The following WASHC2A variants were observed in gnomAD, a reference collection of about 807,000 sequenced individuals.
The protein encoded by WASHC2A is WASH complex subunit 2A.
A neutral mutation model predicts 140.3 loss-of-function variants in WASHC2A; 82 were observed. That is an observed-to-expected ratio of 0.58 (90% CI 0.49 to 0.70). The LOEUF (loss-of-function observed/expected upper bound fraction) is 0.70. WASHC2A is among the 30% of genes least tolerant of loss of function. The pLI is 0.00. For synonymous variants in WASHC2A, 340 were observed against 560.8 expected, an observed-to-expected ratio of 0.61 and a Z score of 5.56; for missense variants, 985 against 1,521.8, an observed-to-expected ratio of 0.65 and a Z score of 5.87.
chr10:50,071,637 A>G (rs1837830764), intron 3 of WASHC2A, among the ~76,000 whole-genome samples: 1 of 148,766 alleles, frequency 6.7e-6, no homozygotes, highest in Non-Finnish European at 1.5e-5. Context: ...GTGTGCTTGT[A>G]CCAGATTGGT....
intron 23 of WASHC2A, among the ~76,000 whole-genome samples, chr10:50,121,031 A>T (rs1292659333): frequency 1.4e-5 from 2 of 147,450 alleles, no homozygotes; most frequent in African/African-American, 5.3e-5. Flanking sequence ...CTCAGCTGAC[A>T]TCATACTTAA....
intron 23 of WASHC2A, among the ~76,000 whole-genome samples, chr10:50,121,530 A>T (rs1843017812): frequency 6.7e-6 from 1 of 150,124 alleles, no homozygotes; most frequent in South Asian, 2.1e-4. Flanking sequence ...AGTAGCTGGG[A>T]TTATAGGCAC....
At chr10:50,078,960 A>C (rs1589156819) in intron 4 of WASHC2A, among the ~76,000 whole-genome samples, 1 of 151,980 alleles carries the variant, frequency 6.6e-6, no homozygotes, top group Non-Finnish European at 1.5e-5. Flanking sequence ...ATAGAGTAGA[A>C]GTCAGCAAAC....
chr10:50,098,256 G>A (rs1840691505), intron 16 of WASHC2A, among the ~76,000 whole-genome samples: 1 of 152,038 alleles, frequency 6.6e-6, no homozygotes, highest in Non-Finnish European at 1.5e-5. Flanking sequence ...GCCCCAGAAT[G>A]TCTTTGTAAA....
rs1843748659 is a variant in WASHC2A at position 50,129,504 on chromosome 10, A to G, written c.3173A>G (p.Asp1058Gly). The change falls in exon 29 of 31, where the codon GAC becomes GGC. Residue 1058 changes from aspartate (D) to glycine (G), a missense_variant. Physicochemically the swap from Asp to Gly is moderately conservative, Grantham distance 94 (BLOSUM62 -1). Coordinates refer to ENST00000282633, the MANE Select transcript of WASHC2A (RefSeq NM_001005751.3). Reference sequence around the variant, plus strand: ...GCTCAGGAGTCCAGCGAGACTGAGGACATGAGCGTCCCCAGAGGACCCATT... The same window carrying G: ...GCTCAGGAGTCCAGCGAGACTGAGGGCATGAGCGTCCCCAGAGGACCCATT... Reference protein sequence around the residue: ...LAAQESSETEDMSVPRGPIAQ... With the variant: ...LAAQESSETEGMSVPRGPIAQ... 9.9e-6 allele frequency: 16 copies of G among 1,611,908 alleles called. No homozygotes were observed. Among genetic ancestry groups the G allele is most frequent in the African/African-American group, 1.3e-5 (1 of 74,848 alleles).
intron 20 of WASHC2A, among the ~76,000 whole-genome samples, chr10:50,111,938 G>A (rs1244343681): frequency 6.6e-6 from 1 of 152,134 alleles, no homozygotes; most frequent in African/African-American, 2.4e-5. Context: ...TGAGGCAGGA[G>A]AATTGCTTGA....
intron 28 of WASHC2A, among the ~76,000 whole-genome samples, chr10:50,128,115 C>T (rs1315497649): frequency 1.3e-5 from 2 of 151,014 alleles, no homozygotes; most frequent in African/African-American, 4.9e-5. Flanking sequence ...AGATCATGCC[C>T]CTCCTGCTGG....
chr10:50,092,291 T>C (rs1293436648), intron 11 of WASHC2A, 58 bp downstream of exon 11: 4 of 1,011,088 alleles, frequency 4.0e-6, no homozygotes, highest in African/African-American at 3.2e-5. Flanking sequence ...GGAATGTTGC[T>C]TACATAATTC....
chr10:50,131,906 G>A (rs796763246), intron 30 of WASHC2A, among the ~76,000 whole-genome samples: 12,572 of 142,142 alleles, frequency 0.088, no homozygotes, highest in Admixed American at 0.15. Flanking sequence ...TTCAGAAAAT[G>A]TAAGAAGTGA....
At chr10:50,093,997 G>A (rs1589201024) in intron 13 of WASHC2A, 80 bp downstream of exon 13, 5 of 1,605,480 alleles carry the variant, frequency 3.1e-6, no homozygotes, top group Non-Finnish European at 4.3e-6. Context: ...GAACAAGGTT[G>A]TTCCCAAGCC....
chr10:50,120,053 G>A (rs1293712779), intron 23 of WASHC2A, among the ~76,000 whole-genome samples: 6 of 137,240 alleles, frequency 4.4e-5, no homozygotes, highest in Non-Finnish European at 9.3e-5. Context: ...GTTGTGGGAT[G>A]TAAACAGCAG....
intron 17 of WASHC2A, 112 bp downstream of exon 17, chr10:50,100,176 C>T: frequency 2.7e-6 from 4 of 1,467,768 alleles, no homozygotes; most frequent in Non-Finnish European, 3.7e-6. Flanking sequence ...TTAAGTACTC[C>T]AGTTCTTTAA....
Position 50,127,715 on chromosome 10 carries a change from C to T in WASHC2A, c.3007C>T (p.Pro1003Ser), listed in dbSNP as rs1444440496. The T allele has an allele frequency of 6.4e-7, 1 of 1,568,734 alleles. No individual in the cohort carries two copies. Among genetic ancestry groups the T allele is most frequent in the Non-Finnish European group, 8.7e-7 (1 of 1,152,848 alleles). ...AAGGAGCCACGGTCTGGAAAGTGTG[C>T]CTGTCCTTCCCGGGAGTGGGGAGGC... The part of the protein sequence containing the change: ...HRRSHGLESV[P>S]VLPGSGEAGV... The change falls in exon 28 of 31, where the codon CCT (proline) becomes TCT (serine). Residue 1003 changes from proline (P) to serine (S), a missense_variant. Transcript: ENST00000282633.
In WASHC2A at chr10:50,106,849, AAAGAAAAACTC is replaced by A. The variant is rs1435300956; in HGVS notation, c.1869+389_1869+399del. Among the ~76,000 whole-genome samples, 68 of 67,020 alleles carry A rather than the reference AAAGAAAAACTC, an allele frequency of 1.0e-3. 2 individuals carry two copies. Among genetic ancestry groups the A allele is most frequent in the Admixed American group, 2.1e-3 (10 of 4,722 alleles). The allele number at this position is 67,020 out of a possible 152,430, so 44.0% of individuals were successfully genotyped here. On this transcript the variant is annotated intron_variant, in intron 19 of 30. Coordinates refer to ENST00000282633, the MANE Select transcript of WASHC2A (RefSeq NM_001005751.3). Reference sequence around the variant, plus strand: ...TTTTACCAGACACAGGAGCCTTCAGAAAGAAAAACTCAAGAGAAACAGGAAATCCTGTGTCA... The same window carrying A: ...TTTTACCAGACACAGGAGCCTTCAGAAAGAGAAACAGGAAATCCTGTGTCA...
chr10:50,129,626 G>A lies in WASHC2A; in HGVS notation c.3295G>A (p.Ala1099Thr). The A allele has an allele frequency of 1.9e-6, 3 of 1,612,080 alleles. No individual in the cohort carries two copies. The highest frequency in any genetic ancestry group is 2.5e-6 in the Non-Finnish European group (3 of 1,179,868). ...EDSTEEALAA[A>T]AAPWEGGPVP... The stretch of plus-strand genomic sequence containing the variant: ...CAGCACTGAGGAGGCCCTGGCAGCT[G>A]CCGCTGCACCTTGGGAAGGTGGTCC... The change falls in exon 29 of 31, where the codon GCC becomes ACC. Residue 1099 changes from alanine (A) to threonine (T), a missense_variant. Physicochemically the swap from Ala to Thr is moderately conservative, Grantham distance 58. Coordinates refer to ENST00000282633, the MANE Select transcript of WASHC2A (RefSeq NM_001005751.3).
At chr10:50,089,638 G>A (rs1311243163) in intron 8 of WASHC2A, among the ~76,000 whole-genome samples, 1 of 152,146 alleles carries the variant, frequency 6.6e-6, no homozygotes, top group African/African-American at 2.4e-5. Flanking sequence ...TGTAGTGTTT[G>A]CAGAGGGGGC....
At chr10:50,111,588 A>G (rs1433538889) in intron 20 of WASHC2A, among the ~76,000 whole-genome samples, 1 of 152,240 alleles carries the variant, frequency 6.6e-6, no homozygotes, top group Non-Finnish European at 1.5e-5. Context: ...GAGCTGGCAC[A>G]TTCTGAGCCC....
chr10:50,079,632 C>G (rs1298320412), intron 4 of WASHC2A, among the ~76,000 whole-genome samples: 1 of 152,232 alleles, frequency 6.6e-6, no homozygotes, highest in Non-Finnish European at 1.5e-5. Flanking sequence ...CTCCTGACCT[C>G]AAATGATCCG....
chr10:50,127,467 T>G, intron 27 of WASHC2A, 116 bp from the exon 28 acceptor site: 2 of 1,609,796 alleles, frequency 1.2e-6, no homozygotes, highest in East Asian at 2.2e-5. Context: ...TTTCCTACGT[T>G]TCTCTACTCC....
Sources: allele counts gnomAD v4.1 joint callset (sites outside exome capture counted in the v4.1 genomes callset), GRCh38; gene constraint gnomAD v4.1.1; transcripts MANE v1.5; gene names NCBI Gene and HGNC (gene_info 2026-07-23, HGNC 2026-07-21).